ROBO2: variants seen among roughly 807,000 people sequenced by gnomAD.
ROBO2 encodes the protein roundabout guidance receptor 2.
Under a neutral mutation model 160.8 loss-of-function variants are expected in ROBO2, and 53 were observed. The ratio of observed to expected loss-of-function variants is 0.33; its 90% CI spans 0.26 to 0.41. The LOEUF is 0.41. Among genes scored for constraint, ROBO2 ranks in the 10% least tolerant of loss-of-function variants. The pLI is 1.00. For synonymous variants in ROBO2, 664 were observed against 611.7 expected, an observed-to-expected ratio of 1.09 and a Z score of -1.26; for missense variants, 1,577 against 1,722.4, an observed-to-expected ratio of 0.92 and a Z score of 1.49.
intron 2 of ROBO2, among the ~76,000 whole-genome samples, chr3:76,685,857 A>G (rs987415231): frequency 1.3e-5 from 2 of 152,160 alleles, no homozygotes; most frequent in Non-Finnish European, 2.9e-5. Context: ...AATGATTTAG[A>G]TACGCATGAC....
chr3:77,627,484 CA>C (rs2153710097), intron 23 of ROBO2, among the ~76,000 whole-genome samples: 1 of 151,982 alleles, frequency 6.6e-6, no homozygotes, highest in South Asian at 2.1e-4. Context: ...GGGGTTTCAC[CA>C]TGTTGGCCAA....
chr3:76,693,176 G>GT (rs1266494571), intron 2 of ROBO2, among the ~76,000 whole-genome samples: 1 of 148,248 alleles, frequency 6.7e-6, no homozygotes, highest in Non-Finnish European at 1.5e-5. Context: ...TATATATAGT[G>GT]TATCTATATA....
chr3:76,018,877 T>C (rs1460149510), intron 2 of ROBO2, among the ~76,000 whole-genome samples: 3 of 151,846 alleles, frequency 2.0e-5, no homozygotes, highest in South Asian at 2.1e-4. Context: ...TTGGCTAATA[T>C]TTGCATTATG....
At chr3:76,051,074 T>G (rs957704519) in intron 2 of ROBO2, among the ~76,000 whole-genome samples, 1 of 152,230 alleles carries the variant, frequency 6.6e-6, no homozygotes, top group South Asian at 2.1e-4. Context: ...TTTCTCCAGA[T>G]GAATCTTACA....
At chr3:77,130,222 C>G (rs2075726657) in intron 2 of ROBO2, among the ~76,000 whole-genome samples, 1 of 152,110 alleles carries the variant, frequency 6.6e-6, no homozygotes, top group Admixed American at 6.6e-5. Flanking sequence ...TCCTCATCTT[C>G]AAGCCTCTCG....
intron 2 of ROBO2, among the ~76,000 whole-genome samples, chr3:76,218,302 G>A (rs1448503126): frequency 1.3e-5 from 2 of 152,182 alleles, no homozygotes; most frequent in Non-Finnish European, 2.9e-5. Flanking sequence ...AGTGTTGAAA[G>A]TTCTGGCCAG....
intron 2 of ROBO2, among the ~76,000 whole-genome samples, chr3:77,399,047 A>G (rs898817875): frequency 1.3e-5 from 2 of 152,174 alleles, no homozygotes; most frequent in African/African-American, 4.8e-5. Context: ...TCCTTATACA[A>G]GCCTTTGAGA....
intron 2 of ROBO2, among the ~76,000 whole-genome samples, chr3:76,119,914 CT>C (rs2070660864): frequency 1.0e-5 from 1 of 95,484 alleles, no homozygotes; most frequent in African/African-American, 4.3e-5. Flanking sequence ...CCTTCCCTCC[CT>C]CCCTTCCTTC....
intron 21 of ROBO2, among the ~76,000 whole-genome samples, chr3:77,615,953 A>G (rs902243147): frequency 1.3e-5 from 2 of 152,214 alleles, no homozygotes; most frequent in African/African-American, 4.8e-5. Flanking sequence ...TACTCATATC[A>G]CAGTTTCCCT....
intron 1 of ROBO2, among the ~76,000 whole-genome samples, chr3:77,096,852 C>T (rs7627885): frequency 6.6e-6 from 1 of 152,096 alleles, no homozygotes; most frequent in African/African-American, 2.4e-5. Flanking sequence ...TGGTGATATA[C>T]CAAATTCTGT....
intron 2 of ROBO2, among the ~76,000 whole-genome samples, chr3:75,969,541 A>T (rs896011955): frequency 2.0e-5 from 3 of 151,586 alleles, no homozygotes; most frequent in Non-Finnish European, 4.4e-5. Context: ...AACAGTGAAC[A>T]TGAGTTTCCT....
intron 2 of ROBO2, among the ~76,000 whole-genome samples, chr3:76,684,774 A>AT (rs1386184082): frequency 5.9e-5 from 9 of 152,094 alleles, no homozygotes; most frequent in Non-Finnish European, 1.2e-4. Flanking sequence ...TATTTAAAAT[A>AT]TTTTTTTATC....
chr3:77,439,204 G>T (rs1049578693), intron 2 of ROBO2, among the ~76,000 whole-genome samples: 1 of 151,902 alleles, frequency 6.6e-6, no homozygotes, highest in South Asian at 2.1e-4. Context: ...TAAATTAATA[G>T]CAAAAAGTGA....
intron 2 of ROBO2, among the ~76,000 whole-genome samples, chr3:76,942,476 C>T (rs1487408646): frequency 6.6e-6 from 1 of 152,112 alleles, no homozygotes; most frequent in Admixed American, 6.5e-5. Flanking sequence ...TAATTTTTTG[C>T]TTGGGAAGCA....
chr3:77,449,231 A>T (rs4441634), intron 2 of ROBO2, among the ~76,000 whole-genome samples: 99,702 of 151,950 alleles, frequency 0.66, 33,258 homozygotes, highest in African/African-American at 0.76. Flanking sequence ...AAGTTCATAG[A>T]ATGAAATAAG....
chr3:76,475,707 C>T (rs535481464), intron 2 of ROBO2, among the ~76,000 whole-genome samples: 19 of 152,204 alleles, frequency 1.2e-4, no homozygotes, highest in East Asian at 7.7e-4. Context: ...TCTAAGAAGA[C>T]GTGAAGTAAC....
chr3:77,269,782 A>G (rs900432378), intron 2 of ROBO2, among the ~76,000 whole-genome samples: 1 of 152,184 alleles, frequency 6.6e-6, no homozygotes, highest in African/African-American at 2.4e-5. Context: ...CTTACCATGT[A>G]TTCAAAAAGT....
At chr3:76,840,655 ATAT>A (rs2068161319) in intron 2 of ROBO2, among the ~76,000 whole-genome samples, 1 of 101,116 alleles carries the variant, frequency 9.9e-6, no homozygotes. Context: ...TTATATATAT[ATAT>A]ATATATATAT....
chr3:75,916,472 A>G (rs1003914930), intron 1 of ROBO2, among the ~76,000 whole-genome samples: 9 of 152,186 alleles, frequency 5.9e-5, no homozygotes, highest in African/African-American at 2.2e-4. Context: ...CAGATTTACT[A>G]CCAAGAATTA....
Sources: allele counts gnomAD v4.1 joint callset (sites outside exome capture counted in the v4.1 genomes callset), GRCh38; gene constraint gnomAD v4.1.1; transcripts MANE v1.5; gene names NCBI Gene and HGNC (gene_info 2026-07-23, HGNC 2026-07-21).